The following SLCO4A1 variants were observed in gnomAD, a reference collection of about 807,000 sequenced individuals.
SLCO4A1 encodes solute carrier organic anion transporter family member 4A1, also known as colon organic anion transporter.
In SLCO4A1, 51 loss-of-function variants were observed where a neutral mutation model predicts 64.6. The observed-to-expected ratio is 0.79, with a 90% CI of 0.63 to 1.00. The LOEUF (loss-of-function observed/expected upper bound fraction) is 1.00, where lower values mean the gene tolerates loss of function less well. Among genes scored for constraint, SLCO4A1 ranks in the 50% least tolerant of loss-of-function variants. The pLI is 0.00. For synonymous variants in SLCO4A1, 471 were observed against 444.9 expected, an observed-to-expected ratio of 1.06 and a Z score of -0.74; for missense variants, 919 against 980.5, an observed-to-expected ratio of 0.94 and a Z score of 0.84.
Position 62,657,265 on chromosome 20 carries a change from CG to C in SLCO4A1, c.796+19del, listed in dbSNP as rs1569130109. On this transcript the variant is annotated intron_variant, in intron 2 of 11. Coordinates refer to ENST00000217159, the MANE Select transcript of SLCO4A1 (RefSeq NM_016354.4). ...CGTCTACATTGGTGAGTGGGGCTGG[CG>C]GGGTAAGTGCTGGCAGGGGTGGCTG... The C allele has an allele frequency of 1.3e-6, 2 of 1,506,672 alleles. No individual in the cohort carries two copies. The highest frequency in any genetic ancestry group is 2.5e-5 in the East Asian group (1 of 40,194). 93.3% of individuals were successfully genotyped at this position (1,506,672 alleles called of 1,614,324 possible).
rs939761224 is a variant in SLCO4A1 at position 62,661,524 on chromosome 20, G to A, written c.1121+349G>A. On this transcript the variant is annotated intron_variant, in intron 5 of 11. Transcript: ENST00000217159. This position sits in a 1 kb window ranked among gnomAD's most constrained non-coding sequence, Gnocchi z 5.2. ...CCCTTCCACACCAGCAAGTCTCCCC[G>A]TGGCCTGTGTGTCCCGGGGTCCCCA... Among the ~76,000 whole-genome samples the A allele has an allele frequency of 6.6e-6, 1 of 152,110 alleles. No individual in the cohort carries two copies. The highest frequency in any genetic ancestry group is 2.4e-5 in the African/African-American group (1 of 41,416).
downstream of SLCO4A1, among the ~76,000 whole-genome samples, chr20:62,688,448 A>G (rs979853302): frequency 6.6e-6 from 1 of 151,978 alleles, no homozygotes; most frequent in Admixed American, 6.6e-5. Context: ...CTGTAGCCCC[A>G]CCAGGTTCTT....
chr20:62,661,023 G>GGGC lies in SLCO4A1; in HGVS notation c.1010-41_1010-40insGGC. 1.4e-6 allele frequency: 1 copy of GGGC among 732,790 alleles called. No individual in the cohort carries two copies. Among genetic ancestry groups the GGGC allele is most frequent in the Non-Finnish European group, 2.5e-6 (1 of 399,750 alleles). 45.4% of individuals were successfully genotyped at this position (732,790 alleles called of 1,614,324 possible). On this transcript the variant is annotated intron_variant, in intron 4 of 11. Transcript: ENST00000217159. The surrounding 1 kb of genome is among the most constrained non-coding windows in gnomAD (Gnocchi z 5.2). ...CTCTCGGAGAAGTCCACCTCCGGGA[G>GGGC]CCCCCAGCCCCCAGCCCCAGCTCAC...
At chr20:62,667,178 A>G (rs1986506581) in intron 7 of SLCO4A1, among the ~76,000 whole-genome samples, 1 of 152,258 alleles carries the variant, frequency 6.6e-6, no homozygotes, top group African/African-American at 2.4e-5. Context: ...CCTGCCCACA[A>G]AGGAGTGGAG....
intron 7 of SLCO4A1, among the ~76,000 whole-genome samples, chr20:62,666,903 C>T (rs1311434994): frequency 6.6e-6 from 1 of 152,266 alleles, no homozygotes. Context: ...GCTGGTCTCT[C>T]GGTGACATAA....
At chr20:62,670,233 GTC>G (rs977511773) in intron 11 of SLCO4A1, 1 of 152,212 alleles carries the variant, frequency 6.6e-6, no homozygotes, top group African/African-American at 2.4e-5. Context: ...TGTTAGGCGC[GTC>G]TCTGCTCAGG....
chr20:62,656,603 G>GC lies in SLCO4A1; in HGVS notation c.154dup (p.Leu52ProfsTer23). The GC allele has an allele frequency of 1.9e-6, 3 of 1,598,704 alleles. No homozygotes were observed. The highest frequency in any genetic ancestry group is 1.7e-5 in the Admixed American group (1 of 59,026). On this transcript the variant is annotated frameshift_variant, in exon 2 of 12. Transcript: ENST00000217159. LOFTEE classifies it high-confidence loss of function. The stretch of plus-strand genomic sequence containing the variant: ...GGCTCCCTCCGCTCCGCTGCCCATA[G>GC]CCCCCTGGACACCAGCAAGCAGCCC...
chr20:62,654,380 C>CG (rs1422226642), intron 1 of SLCO4A1, among the ~76,000 whole-genome samples: 1 of 152,206 alleles, frequency 6.6e-6, no homozygotes, highest in Non-Finnish European at 1.5e-5. Flanking sequence ...CCGGGGAACA[C>CG]GGGGGGCACC....
intron 5 of SLCO4A1, 123 bp from the exon 6 acceptor site, chr20:62,664,811 C>CA (rs1985773616): frequency 6.4e-6 from 7 of 1,094,144 alleles, no homozygotes; most frequent in Non-Finnish European, 7.7e-6. Flanking sequence ...CTCTGACCCT[C>CA]AGTCTCTTCT....
At chr20:62,655,907 C>A (rs1481358715) in intron 1 of SLCO4A1, among the ~76,000 whole-genome samples, 2 of 152,240 alleles carry the variant, frequency 1.3e-5, no homozygotes, top group Non-Finnish European at 1.5e-5. Context: ...ATCAGGGCCA[C>A]TTGGCTGCAA....
downstream of SLCO4A1, among the ~76,000 whole-genome samples, chr20:62,674,618 C>T (rs1441619329): frequency 2.6e-5 from 4 of 152,150 alleles, no homozygotes; most frequent in African/African-American, 9.7e-5. Context: ...GTGTGTTCCC[C>T]GATGTCTCAC....
downstream of SLCO4A1, among the ~76,000 whole-genome samples, chr20:62,690,284 A>G (rs1015443946): frequency 6.6e-6 from 1 of 152,166 alleles, no homozygotes; most frequent in African/African-American, 2.4e-5. Flanking sequence ...CGTCTCATCA[A>G]GTCCTTTGAT....
At chr20:62,652,461 C>T (rs909579670) in intron 1 of SLCO4A1, among the ~76,000 whole-genome samples, 3 of 152,182 alleles carry the variant, frequency 2.0e-5, no homozygotes, top group Admixed American at 6.5e-5. Context: ...AGTCCCGCCC[C>T]GGGGCTCTTG....
In SLCO4A1 at chr20:62,671,927, C is replaced by T. The variant is rs1380822705; in HGVS notation, c.*34C>T. The T allele has an allele frequency of 1.2e-6, 2 of 1,605,222 alleles. No individual in the cohort carries two copies. The highest frequency in any genetic ancestry group is 1.3e-5 in the African/African-American group (1 of 75,066). ...CGCGCCCACCCGGCCACGGCGGGCA[C>T]TCAGCATTTCCTGATGACAGAACAG... On this transcript the variant is annotated 3_prime_UTR_variant, in exon 12 of 12. Coordinates refer to ENST00000217159, the MANE Select transcript of SLCO4A1 (RefSeq NM_016354.4).
chr20:62,675,232 A>G (rs567296199), downstream of SLCO4A1, among the ~76,000 whole-genome samples: 3 of 152,298 alleles, frequency 2.0e-5, no homozygotes, highest in South Asian at 2.1e-4. Flanking sequence ...TGGGCTGCTC[A>G]TCGGCATTGC....
At chr20:62,683,502 C>T (rs530080075) in intron 2 of SLCO4A1, among the ~76,000 whole-genome samples, 2 of 152,144 alleles carry the variant, frequency 1.3e-5, no homozygotes, top group South Asian at 4.1e-4. Flanking sequence ...AGAATACAGT[C>T]ACGTACCCTG....
At chr20:62,680,581 T>C (rs1987781581) in intron 2 of SLCO4A1, among the ~76,000 whole-genome samples, 1 of 152,134 alleles carries the variant, frequency 6.6e-6, no homozygotes, top group Non-Finnish European at 1.5e-5. Flanking sequence ...TTTTTTTTTT[T>C]TTTAACCATA....
At chr20:62,658,871 G>T (rs899570997) in intron 3 of SLCO4A1, 104 bp downstream of exon 3, 5 of 1,008,024 alleles carry the variant, frequency 5.0e-6, no homozygotes, top group Non-Finnish European at 7.5e-6. Flanking sequence ...CGGGCGCGGC[G>T]CAGGTGCTGG....
intron 5 of SLCO4A1, among the ~76,000 whole-genome samples, chr20:62,663,819 A>G (rs1273821494): frequency 6.6e-6 from 1 of 152,168 alleles, no homozygotes; most frequent in Non-Finnish European, 1.5e-5. Flanking sequence ...CTCTCTTTGC[A>G]GAGGCGGTTT....
Sources: allele counts gnomAD v4.1 joint callset (sites outside exome capture counted in the v4.1 genomes callset), GRCh38; gene constraint gnomAD v4.1.1; non-coding constraint Gnocchi (gnomAD v3.1); transcripts MANE v1.5; gene names NCBI Gene and HGNC (gene_info 2026-07-23, HGNC 2026-07-21).